STK32B: variants seen among roughly 807,000 people sequenced by gnomAD.
STK32B encodes the protein serine/threonine-protein kinase 32B.
In STK32B, 43 loss-of-function variants were observed where a neutral mutation model predicts 52.6. That is an observed-to-expected ratio of 0.82 (90% CI 0.64 to 1.05). The LOEUF (loss-of-function observed/expected upper bound fraction) is 1.05. Ranked by LOEUF, STK32B falls within the 50% of genes least tolerant of loss-of-function variation. The pLI, the probability that STK32B is intolerant of heterozygous loss-of-function variation, is 0.00. For synonymous variants in STK32B, 238 were observed against 204.3 expected (o/e 1.17, Z -1.41); for missense variants, 621 against 534.6 (o/e 1.16, Z -1.59).
chr4:5,320,378 T>C (rs1731408779), intron 3 of STK32B, among the ~76,000 whole-genome samples: 1 of 152,212 alleles, frequency 6.6e-6, no homozygotes. Context: ...GCATGGACTG[T>C]ATTAGGTTGA....
intron 1 of STK32B, among the ~76,000 whole-genome samples, chr4:5,084,274 A>G (rs1255783168): frequency 6.6e-5 from 10 of 152,198 alleles, no homozygotes; most frequent in African/African-American, 2.4e-4. Flanking sequence ...TGGCTGCCAC[A>G]TGTAGCCTTG....
chr4:5,485,442 G>T (rs1333960078), intron 11 of STK32B, among the ~76,000 whole-genome samples: 1 of 151,900 alleles, frequency 6.6e-6, no homozygotes, highest in East Asian at 1.9e-4. Flanking sequence ...GCTCTATCAG[G>T]TCCTTTAAGG....
chr4:5,118,341 G>A (rs367873815), intron 1 of STK32B, among the ~76,000 whole-genome samples: 3 of 152,296 alleles, frequency 2.0e-5, no homozygotes, highest in East Asian at 1.9e-4. Flanking sequence ...GTTTTGACTG[G>A]CATGTAAGTG....
At chr4:5,298,487 T>C (rs1016460460) in intron 3 of STK32B, among the ~76,000 whole-genome samples, 3 of 152,040 alleles carry the variant, frequency 2.0e-5, no homozygotes, top group African/African-American at 7.2e-5. Context: ...CCCTGCCCGG[T>C]GAGGAGGAAT....
At chr4:5,451,188 G>GT (rs1335898048) in intron 7 of STK32B, among the ~76,000 whole-genome samples, 3 of 152,230 alleles carry the variant, frequency 2.0e-5, no homozygotes, top group Non-Finnish European at 4.4e-5. Flanking sequence ...CACAAGACAG[G>GT]TAGATGCAGG....
chr4:5,092,702 A>C (rs556781013), intron 1 of STK32B, among the ~76,000 whole-genome samples: 14 of 152,108 alleles, frequency 9.2e-5, no homozygotes, highest in Non-Finnish European at 1.8e-4. Flanking sequence ...TTGGGGTGCT[A>C]CACACTTTTA....
intron 1 of STK32B, among the ~76,000 whole-genome samples, chr4:5,124,809 G>T (rs1429845851): frequency 2.0e-5 from 3 of 152,156 alleles, no homozygotes; most frequent in African/African-American, 4.8e-5. Flanking sequence ...TCATAACAAA[G>T]AATTCGTCAC....
chr4:5,269,515 C>T (rs75509926), intron 3 of STK32B, among the ~76,000 whole-genome samples: 13,940 of 152,060 alleles, frequency 0.092, 1,748 homozygotes, highest in African/African-American at 0.28. Flanking sequence ...CAGTGTGAGG[C>T]ATTGTGAGGT....
chr4:5,497,496 C>A (rs1371387081), intron 11 of STK32B, among the ~76,000 whole-genome samples: 2 of 152,228 alleles, frequency 1.3e-5, no homozygotes, highest in Non-Finnish European at 2.9e-5. Context: ...TTAACCATGA[C>A]CACCTTTCCC....
chr4:5,159,843 A>C (rs139196385), intron 2 of STK32B, among the ~76,000 whole-genome samples: 1 of 150,472 alleles, frequency 6.6e-6, no homozygotes, highest in Non-Finnish European at 1.5e-5. Context: ...CGTTGATAAG[A>C]TGATTATGGA....
At chr4:5,201,649 G>C (rs1446921323) in intron 3 of STK32B, among the ~76,000 whole-genome samples, 2 of 152,208 alleles carry the variant, frequency 1.3e-5, no homozygotes, top group African/African-American at 4.8e-5. Context: ...TTGACTCACA[G>C]TTACACATGG....
chr4:5,046,865 C>T (rs1200881328), upstream of STK32B, among the ~76,000 whole-genome samples: 4 of 152,118 alleles, frequency 2.6e-5, no homozygotes, highest in Non-Finnish European at 5.9e-5. Context: ...TGTGGAGAAA[C>T]AGGAGCACTT....
chr4:5,152,146 A>C (rs1350455268), intron 2 of STK32B, among the ~76,000 whole-genome samples: 1 of 152,208 alleles, frequency 6.6e-6, no homozygotes, highest in African/African-American at 2.4e-5. Flanking sequence ...TTTCGTCAGC[A>C]ATTGATGAAG....
At chr4:5,162,973 C>T (rs1006956944) in intron 2 of STK32B, among the ~76,000 whole-genome samples, 5 of 152,148 alleles carry the variant, frequency 3.3e-5, no homozygotes, top group South Asian at 2.1e-4. Context: ...CAGGGAAGAA[C>T]GGAAGCCTCT....
intron 3 of STK32B, among the ~76,000 whole-genome samples, chr4:5,278,839 T>C (rs1365353586): frequency 1.3e-5 from 2 of 152,124 alleles, no homozygotes; most frequent in Non-Finnish European, 2.9e-5. Flanking sequence ...AATCTTCACA[T>C]GGCAGAGTAG....
chr4:5,285,861 G>T (rs1157592679), intron 3 of STK32B, among the ~76,000 whole-genome samples: 2 of 152,202 alleles, frequency 1.3e-5, no homozygotes, highest in East Asian at 3.9e-4. Context: ...AAATTCTCAT[G>T]ATAAATCGCT....
intron 6 of STK32B, among the ~76,000 whole-genome samples, chr4:5,424,819 A>G (rs1375181166): frequency 6.6e-6 from 1 of 152,214 alleles, no homozygotes; most frequent in African/African-American, 2.4e-5. Context: ...TGTGAACACA[A>G]GAAGGAGAGA....
rs536839051 is a variant in STK32B, at chr4:5,500,361, T to G, written c.*1278T>G. On this transcript the variant is annotated 3_prime_UTR_variant, in exon 12 of 12. Transcript: ENST00000282908. The stretch of plus-strand genomic sequence containing the variant: ...TGTGTAACCCCAAGCATTGGATGAC[T>G]CATAGAATGGCCTTTTTTGTCAGCA... The G allele has an allele frequency of 6.6e-6, 1 of 152,326 alleles. No individual in the cohort carries two copies. The highest frequency in any genetic ancestry group is 1.9e-4 in the East Asian group (1 of 5,184). 9.4% of individuals were successfully genotyped at this position (152,326 alleles called of 1,614,324 possible). A position where few individuals can be genotyped will look rare whatever the true frequency, so the allele number is the denominator to read the frequency against.
chr4:5,284,954 A>G (rs1285251588), intron 3 of STK32B, among the ~76,000 whole-genome samples: 4 of 152,170 alleles, frequency 2.6e-5, no homozygotes, highest in Admixed American at 2.6e-4. Flanking sequence ...GAAAAAGTTA[A>G]ATTGCCTGAT....
Sources: gnomAD v4.1 joint callset for allele counts (sites outside exome capture counted in the v4.1 genomes callset) on GRCh38, gnomAD v4.1.1 for gene constraint, MANE v1.5 for transcripts, NCBI Gene and HGNC (gene_info 2026-07-23, HGNC 2026-07-21) for gene names.